CCDC157: variants seen among roughly 807,000 people sequenced by gnomAD.
CCDC157 encodes the protein coiled-coil domain-containing protein 157.
CCDC157 carries 60 observed loss-of-function variants against 70.9 expected under a neutral mutation model. The ratio of observed to expected loss-of-function variants is 0.85; its 90% CI spans 0.69 to 1.05. CCDC157 has a LOEUF of 1.05. CCDC157 is among the 50% of genes least tolerant of loss of function. The pLI, the probability that CCDC157 is intolerant of heterozygous loss-of-function variation, is 0.00. For missense variants in CCDC157, 943 were observed against 984.2 expected (o/e 0.96, Z 0.56); for synonymous variants, 373 against 422.4 (o/e 0.88, Z 1.43).
intron 4 of CCDC157, 48 bp downstream of exon 4, chr22:30,369,651 C>G (rs1280629054): frequency 2.9e-6 from 4 of 1,394,200 alleles, no homozygotes; most frequent in Non-Finnish European, 2.8e-6. Flanking sequence ...GCCTCTATCT[C>G]CCCACTGTGG....
rs143878154 is a variant in CCDC157, at chr22:30,370,838, G to A, written c.933G>A (p.Ala311=). Residue 311 remains alanine, a synonymous_variant, in exon 5 of 12, where the codon GCG becomes GCA. Coordinates refer to ENST00000338306, the MANE Select transcript of CCDC157 (RefSeq NM_001017437.5). ...EGQKDGLRKQ[A]GKLEQALKQE... is the part of the protein sequence containing the mutation. ...AGAAGGATGGCCTGAGGAAGCAGGC[G>A]GGCAAGCTGGAGCAGGCGCTGAAAC... is the stretch of plus-strand genomic sequence containing the variant. 135 of 1,612,740 alleles carry A rather than the reference G, an allele frequency of 8.4e-5. 2 individuals are homozygous for A. In the African/African-American group the frequency reaches 1.5e-3, roughly 18 times the overall value.
rs1159611998 is a variant in CCDC157 at position 30,378,146 on chromosome 22, C to T, written c.*1401C>T. Reference sequence around the variant, plus strand: ...CTTGCCATGGGGCTCCCTCCATCTTCAAGTCAACAACAGAGGATTTCTCAT... The same window carrying T: ...CTTGCCATGGGGCTCCCTCCATCTTTAAGTCAACAACAGAGGATTTCTCAT... On this transcript the variant is annotated 3_prime_UTR_variant, in exon 12 of 12. Coordinates refer to ENST00000338306, the MANE Select transcript of CCDC157 (RefSeq NM_001017437.5). 1 of 471,054 alleles carries T rather than the reference C, an allele frequency of 2.1e-6. No individual in the cohort carries two copies. The highest frequency in any genetic ancestry group is 4.4e-6 in the Non-Finnish European group (1 of 226,978). 29.2% of individuals were successfully genotyped at this position (471,054 alleles called of 1,614,324 possible).
intron 9 of CCDC157, chr22:30,375,254 G>GC: frequency 2.0e-6 from 1 of 499,594 alleles, no homozygotes; most frequent in Non-Finnish European, 3.5e-6. Context: ...ACCGCGCCCG[G>GC]CCTTGCTAAG....
chr22:30,366,646 G>T (rs191699025), intron 3 of CCDC157: 132 of 270,904 alleles, frequency 4.9e-4, no homozygotes, highest in Middle Eastern at 1.5e-3. Context: ...TGTGGGTTGT[G>T]CTGTTCCCTC....
chr22:30,376,696 G>C lies in CCDC157; in HGVS notation c.2210G>C (p.Gly737Ala). Residue 737 changes from glycine (G) to alanine (A), a missense_variant, in exon 12 of 12, where the codon GGC becomes GCC. Physicochemically the swap from Gly to Ala is moderately conservative, Grantham distance 60. Coordinates refer to ENST00000338306, the MANE Select transcript of CCDC157 (RefSeq NM_001017437.5). ...LVRLRKRLSP[G>A]RGQASSAHQP... ...AGGCTGAGAAAGAGACTGTCACCTGGCCGGGGACAGGCCAGCTCTGCACAC... is the reference window on the plus strand; with the variant it reads ...AGGCTGAGAAAGAGACTGTCACCTGCCCGGGGACAGGCCAGCTCTGCACAC... 2.5e-6 allele frequency: 4 copies of C among 1,613,364 alleles called. No homozygotes were observed. In the South Asian group the frequency reaches 4.4e-5, roughly 18 times the overall value.
chr22:30,376,182 G>GCTA (rs1933342581), intron 10 of CCDC157, 77 bp from the exon 11 acceptor site: 2 of 1,373,312 alleles, frequency 1.5e-6, no homozygotes, highest in African/African-American at 2.9e-5. Context: ...CCCATCCCTG[G>GCTA]CTACGACACC....
At chr22:30,371,910 G>A in intron 6 of CCDC157, 165 bp from the exon 7 acceptor site, 2 of 734,856 alleles carry the variant, frequency 2.7e-6, no homozygotes, top group Non-Finnish European at 2.2e-6. Context: ...CTCCTACCGA[G>A]AAAGCGCCTT....
At chr22:30,370,999 G>A (rs933944575) in intron 5 of CCDC157, 49 bp downstream of exon 5, 3 of 1,548,932 alleles carry the variant, frequency 1.9e-6, no homozygotes, top group Non-Finnish European at 2.6e-6. Flanking sequence ...CTCTGCCACA[G>A]CCTTTGCATG....
At position 30,376,621 on chromosome 22, in the gene CCDC157, G is replaced by A. The variant is rs763081189; in HGVS notation, c.2135G>A (p.Gly712Asp). 3 of 1,613,802 alleles carry A rather than the reference G, an allele frequency of 1.9e-6. No individual in the cohort carries two copies. Among genetic ancestry groups the A allele is most frequent in the Admixed American group, 3.3e-5 (2 of 60,006 alleles). The change falls in exon 12 of 12, where the codon GGT (glycine) becomes GAT (aspartate). Residue 712 changes from glycine to aspartate, a missense_variant. Transcript: ENST00000338306. ...CSQPSKSLLE[G>D]VTHLDTCTQN... Reference sequence around the variant, plus strand: ...CAGCCCAGCAAGTCCTTGCTGGAGGGTGTGACCCACTTGGACACCTGCACC... The same window carrying A: ...CAGCCCAGCAAGTCCTTGCTGGAGGATGTGACCCACTTGGACACCTGCACC...
intron 1 of CCDC157, among the ~76,000 whole-genome samples, chr22:30,358,357 A>G (rs1932088461): frequency 6.6e-6 from 1 of 152,236 alleles, no homozygotes; most frequent in South Asian, 2.1e-4. Flanking sequence ...CAACCTATTT[A>G]CAAATGAGGA....
At chr22:30,357,826 A>T (rs1041662631) in intron 1 of CCDC157, among the ~76,000 whole-genome samples, 15 of 146,918 alleles carry the variant, frequency 1.0e-4, no homozygotes, top group Non-Finnish European at 1.5e-4. Context: ...CAGTTTTTAA[A>T]TTTTTTTTTT....
At chr22:30,360,378 G>A (rs921077592) in intron 1 of CCDC157, among the ~76,000 whole-genome samples, 2 of 151,484 alleles carry the variant, frequency 1.3e-5, no homozygotes, top group South Asian at 2.1e-4. Flanking sequence ...TGTGGCGGGC[G>A]CCTGTAGTCC....
chr22:30,368,297 C>T (rs1932800130), intron 3 of CCDC157, among the ~76,000 whole-genome samples: 1 of 152,218 alleles, frequency 6.6e-6, no homozygotes, highest in South Asian at 2.1e-4. Context: ...TGTCCCTCTG[C>T]TAGGAGTGTC....
chr22:30,362,309 G>A (rs1481749984), intron 2 of CCDC157, among the ~76,000 whole-genome samples, 195 bp downstream of exon 2: 11 of 152,210 alleles, frequency 7.2e-5, no homozygotes, highest in Admixed American at 5.9e-4. Context: ...CCATTCTGGC[G>A]GTGGTGTATG....
chr22:30,369,848 T>C, intron 4 of CCDC157: 1 of 463,512 alleles, frequency 2.2e-6, no homozygotes, highest in South Asian at 5.2e-5. Context: ...AAATCTTGCC[T>C]ACTTTGAACC....
At chr22:30,360,136 CCT>C (rs1932229187) in intron 1 of CCDC157, among the ~76,000 whole-genome samples, 2 of 151,876 alleles carry the variant, frequency 1.3e-5, no homozygotes, top group Non-Finnish European at 2.9e-5. Flanking sequence ...AGAGTGAGAC[CCT>C]GTCTCTAAAA....
intron 4 of CCDC157, chr22:30,369,806 C>A (rs1013702864): frequency 1.6e-5 from 8 of 491,142 alleles, no homozygotes; most frequent in Non-Finnish European, 2.8e-5. Flanking sequence ...TGCCTTGCTC[C>A]CTGGCTCTGA....
chr22:30,374,124 T>C, intron 9 of CCDC157, 33 bp downstream of exon 9: 1 of 1,560,712 alleles, frequency 6.4e-7, no homozygotes, highest in Non-Finnish European at 8.7e-7. Context: ...AAGGGCATGC[T>C]GGGGCTCAGG....
chr22:30,371,099 G>A, intron 5 of CCDC157, 149 bp downstream of exon 5: 1 of 940,346 alleles, frequency 1.1e-6, no homozygotes, highest in Non-Finnish European at 1.6e-6. Context: ...AGGGAGGGCA[G>A]CAAGGAAGGG....
Sources: gnomAD v4.1 joint callset for allele counts (sites outside exome capture counted in the v4.1 genomes callset) on GRCh38, gnomAD v4.1.1 for gene constraint, MANE v1.5 for transcripts, NCBI Gene and HGNC (gene_info 2026-07-23, HGNC 2026-07-21) for gene names.